BIN3: variants seen among roughly 807,000 people sequenced by gnomAD.
BIN3 encodes the protein bridging integrator 3.
BIN3 carries 41 observed loss-of-function variants against 38.2 expected under a neutral mutation model. That is an observed-to-expected ratio of 1.07 (90% CI 0.84 to 1.39). BIN3 has a LOEUF of 1.39. Ranked by LOEUF, BIN3 falls within the 40% of genes most tolerant of loss-of-function variation. BIN3 has a pLI of 0.00. For missense variants in BIN3, 361 were observed against 324.3 expected (o/e 1.11, Z -0.87); for synonymous variants, 145 against 122.6 (o/e 1.18, Z -1.21).
At chr8:22,633,318 A>C (rs1219072725) in intron 4 of BIN3, among the ~76,000 whole-genome samples, 1 of 152,154 alleles carries the variant, frequency 6.6e-6, no homozygotes, top group African/African-American at 2.4e-5. Context: ...CAACAAAAAT[A>C]AACAGCAGGT....
chr8:22,641,894 T>C (rs991027088), intron 2 of BIN3, among the ~76,000 whole-genome samples: 1 of 152,102 alleles, frequency 6.6e-6, no homozygotes, highest in African/African-American at 2.4e-5. Context: ...GCTACGATGC[T>C]CCCGCCACTT....
intron 8 of BIN3, 53 bp downstream of exon 8, chr8:22,623,862 G>A: frequency 1.3e-6 from 2 of 1,577,418 alleles, no homozygotes; most frequent in Non-Finnish European, 1.7e-6. Flanking sequence ...GTGACAGGGA[G>A]TGGCATGAGC....
intron 1 of BIN3, among the ~76,000 whole-genome samples, chr8:22,648,938 T>TGTATGTATGTAA (rs1474090503): frequency 2.0e-5 from 3 of 151,798 alleles, no homozygotes; most frequent in Admixed American, 6.6e-5. Flanking sequence ...TATGTATGTA[T>TGTATGTATGTAA]GTAAGTGTGT....
chr8:22,668,265 C>G (rs552224164), intron 1 of BIN3, among the ~76,000 whole-genome samples: 8 of 152,176 alleles, frequency 5.3e-5, no homozygotes, highest in Non-Finnish European at 1.0e-4. Context: ...ATGGGGATTG[C>G]CTTTTGGGCA....
At chr8:22,666,257 A>ACCT (rs1803413608) in intron 1 of BIN3, among the ~76,000 whole-genome samples, 1 of 151,776 alleles carries the variant, frequency 6.6e-6, no homozygotes, top group South Asian at 2.1e-4. Context: ...CCATACCATA[A>ACCT]TAAAGCCACC....
chr8:22,629,698 C>A, intron 6 of BIN3: 1 of 560,650 alleles, frequency 1.8e-6, no homozygotes, highest in South Asian at 2.3e-5. Context: ...AAATGACCAC[C>A]AGAACAGCGG....
chr8:22,664,980 C>G (rs1178268733), intron 1 of BIN3, among the ~76,000 whole-genome samples: 2 of 152,226 alleles, frequency 1.3e-5, no homozygotes, highest in South Asian at 4.1e-4. Context: ...CCACTATGTG[C>G]ATGATACCCA....
At chr8:22,633,793 C>T (rs1003136051) in intron 4 of BIN3, among the ~76,000 whole-genome samples, 5 of 152,196 alleles carry the variant, frequency 3.3e-5, no homozygotes, top group Non-Finnish European at 5.9e-5. Context: ...CAGCGGCCCA[C>T]GGCACAGCAA....
In BIN3 at chr8:22,621,557, G is replaced by A. The variant is rs373094599; in HGVS notation, c.627C>T (p.Tyr209=). Residue 209 remains tyrosine (Y), a synonymous_variant, in exon 9 of 9, where the codon TAC becomes TAT. Transcript: ENST00000276416. ...CTCCAAAGATCTTGTGCATTTCCGA[G>A]TAGTACACAACCTGGGGGAGGCGAC... ...ESLIRAQVVY[Y]SEMHKIFGDL... The A allele has an allele frequency of 3.7e-6, 6 of 1,613,648 alleles. No homozygotes were observed. Among genetic ancestry groups the A allele is most frequent in the Non-Finnish European group, 5.1e-6 (6 of 1,179,892 alleles).
chr8:22,626,929 C>T (rs984904267), intron 6 of BIN3, among the ~76,000 whole-genome samples: 6 of 152,262 alleles, frequency 3.9e-5, no homozygotes, highest in South Asian at 2.1e-4. Flanking sequence ...GAGTGCCGAG[C>T]GGGGGTGAGG....
chr8:22,632,190 G>C (rs1310442226), intron 4 of BIN3, among the ~76,000 whole-genome samples: 1 of 152,154 alleles, frequency 6.6e-6, no homozygotes, highest in Non-Finnish European at 1.5e-5. Flanking sequence ...AGTGTCTTAG[G>C]ACCCATGACA....
At chr8:22,648,119 A>C (rs983526100) in intron 1 of BIN3, among the ~76,000 whole-genome samples, 11 of 132,488 alleles carry the variant, frequency 8.3e-5, no homozygotes, top group African/African-American at 3.0e-4. Flanking sequence ...TGCGCGACAG[A>C]GTGAGACTCC....
At chr8:22,629,658 C>A (rs1028903605) in intron 6 of BIN3, 3 of 496,026 alleles carry the variant, frequency 6.0e-6, no homozygotes, top group Non-Finnish European at 3.7e-6. Context: ...AGCCCTGGCC[C>A]CAGTGGCTCT....
At chr8:22,666,217 C>T (rs1803411787) in intron 1 of BIN3, among the ~76,000 whole-genome samples, 6 of 151,920 alleles carry the variant, frequency 3.9e-5, no homozygotes. Flanking sequence ...AGATTGAGGT[C>T]ACTATTCTTA....
rs376718168 is a variant in BIN3, at chr8:22,621,529, G to C, written c.655C>G (p.Leu219Val). 1.2e-6 allele frequency: 2 copies of C among 1,613,878 alleles called. No individual in the cohort carries two copies. Among genetic ancestry groups the C allele is most frequent in the South Asian group, 2.2e-5 (2 of 91,086 alleles). ...CCTGGCTGGTCAAGCTGATGGGACA[G>C]GTCTCCAAAGATCTTGTGCATTTCC... ...YSEMHKIFGDLSHQLDQPGHS... is the reference protein window; with the variant it reads ...YSEMHKIFGDVSHQLDQPGHS... Residue 219 changes from leucine (L) to valine (V), a missense_variant, in exon 9 of 9, where the codon CTG (leucine) becomes GTG (valine). Transcript: ENST00000276416.
intron 1 of BIN3, among the ~76,000 whole-genome samples, chr8:22,646,228 G>C (rs1802709836): frequency 6.6e-6 from 1 of 152,224 alleles, no homozygotes; most frequent in Non-Finnish European, 1.5e-5. Context: ...GCTATGGAAA[G>C]GGTAGACTCC....
At position 22,644,812 on chromosome 8, in the gene BIN3, G is replaced by C. The variant is rs771473531; in HGVS notation, c.9-9C>G. ...CAATCTTAAAAGGAATCCTATAAGA[G>C]AAAGAGACAAAGAGAGATATTGTGA... On this transcript the variant is annotated splice_polypyrimidine_tract_variant and intron_variant, in intron 1 of 8. Coordinates refer to ENST00000276416, the MANE Select transcript of BIN3 (RefSeq NM_018688.6). 1.9e-6 allele frequency: 3 copies of C among 1,607,714 alleles called. No homozygotes were observed. Among genetic ancestry groups the C allele is most frequent in the Non-Finnish European group, 2.6e-6 (3 of 1,176,444 alleles).
intron 2 of BIN3, among the ~76,000 whole-genome samples, chr8:22,643,643 T>C (rs1802631386): frequency 1.3e-5 from 2 of 152,240 alleles, no homozygotes. Flanking sequence ...TCCTCTCAAG[T>C]GACCTTACTC....
At chr8:22,645,155 A>ACCCTATCTC (rs1395996342) in intron 1 of BIN3, among the ~76,000 whole-genome samples, 7 of 146,292 alleles carry the variant, frequency 4.8e-5, no homozygotes, top group Admixed American at 4.8e-4. Flanking sequence ...ACAGAGCAAG[A>ACCCTATCTC]CCCTATCTCC....
Sources: allele counts gnomAD v4.1 joint callset (sites outside exome capture counted in the v4.1 genomes callset), GRCh38; gene constraint gnomAD v4.1.1; transcripts MANE v1.5; gene names NCBI Gene and HGNC (gene_info 2026-07-23, HGNC 2026-07-21).